Variants in CSMD1 observed in about 807,000 individuals in gnomAD.
The protein encoded by CSMD1 is CUB and sushi domain-containing protein 1.
In CSMD1, 213 loss-of-function variants were observed where a neutral mutation model predicts 417.5. The ratio of observed to expected loss-of-function variants is 0.51; its 90% CI spans 0.46 to 0.57. The LOEUF (loss-of-function observed/expected upper bound fraction) is 0.57. CSMD1 is among the 20% of genes least tolerant of loss of function. The probability of loss-of-function intolerance (pLI) is 0.00; values close to 1 mark genes in which losing one functional copy is unlikely to be tolerated. For synonymous variants in CSMD1, 2,862 were observed against 1,736.8 expected (o/e 1.65, Z -16.11); for missense variants, 6,923 against 4,529.7 (o/e 1.53, Z -15.17).
chr8:4,485,424 G>C (rs1225979004), intron 2 of CSMD1, among the ~76,000 whole-genome samples: 1 of 152,176 alleles, frequency 6.6e-6, no homozygotes, highest in Non-Finnish European at 1.5e-5. Flanking sequence ...CTCTCACAGA[G>C]AGAGGAAGGG....
intron 2 of CSMD1, among the ~76,000 whole-genome samples, chr8:4,593,889 G>A (rs896330560): frequency 3.3e-5 from 5 of 152,164 alleles, no homozygotes; most frequent in Non-Finnish European, 5.9e-5. Flanking sequence ...TAAAGCAACA[G>A]GAATTTATTG....
chr8:4,668,075 C>A (rs1028974415), intron 1 of CSMD1, among the ~76,000 whole-genome samples: 8 of 152,148 alleles, frequency 5.3e-5, no homozygotes, highest in African/African-American at 1.9e-4. Flanking sequence ...ATTAATTTGA[C>A]CTAATCTTAT....
At chr8:4,307,439 A>C (rs62478632) in intron 3 of CSMD1, among the ~76,000 whole-genome samples, 10,708 of 152,236 alleles carry the variant, frequency 0.07, 494 homozygotes, top group Non-Finnish European at 0.1. Flanking sequence ...AGATGCTATC[A>C]TCAACTTCTG....
chr8:2,991,325 T>C (rs1334397845), intron 54 of CSMD1, among the ~76,000 whole-genome samples: 1 of 152,262 alleles, frequency 6.6e-6, no homozygotes, highest in Non-Finnish European at 1.5e-5. Context: ...GGGTAAGGAC[T>C]AAAACACACT....
intron 5 of CSMD1, among the ~76,000 whole-genome samples, chr8:3,993,677 A>T (rs1814932656): frequency 6.6e-6 from 1 of 152,198 alleles, no homozygotes. Flanking sequence ...TTACACCTTA[A>T]AAAATCATAA....
chr8:3,477,376 C>G (rs1817492756), intron 11 of CSMD1, among the ~76,000 whole-genome samples: 1 of 152,118 alleles, frequency 6.6e-6, no homozygotes, highest in Non-Finnish European at 1.5e-5. Context: ...CTTTATGTTC[C>G]TTTAATGTCC....
chr8:4,444,536 A>T (rs1312404006), intron 2 of CSMD1, among the ~76,000 whole-genome samples: 3 of 151,988 alleles, frequency 2.0e-5, no homozygotes, highest in South Asian at 2.1e-4. Flanking sequence ...GGAGAACAAT[A>T]ATGTCCATCT....
chr8:4,668,648 C>A (rs1003280598), intron 1 of CSMD1, among the ~76,000 whole-genome samples: 9 of 151,800 alleles, frequency 5.9e-5, no homozygotes, highest in Admixed American at 3.3e-4. Context: ...GATGGGGTTT[C>A]ATCGTGTTAG....
chr8:4,739,033 G>A lies in CSMD1; in HGVS notation c.86-101475C>T, dbSNP rs188488581. Among the ~76,000 whole-genome samples, 332 of 152,022 alleles carry A rather than the reference G, an allele frequency of 2.2e-3. 2 individuals carry two copies. Among genetic ancestry groups the A allele is most frequent in the African/African-American group, 7.6e-3 (316 of 41,378 alleles). ...AAAACAAGTTAAAAGTTAAAGGAATGTAGTGTGAGTAACTGATATATTCTT... is the reference window on the plus strand; with the variant it reads ...AAAACAAGTTAAAAGTTAAAGGAATATAGTGTGAGTAACTGATATATTCTT... On this transcript the variant is annotated intron_variant, in intron 1 of 69. Transcript: ENST00000635120.
At chr8:4,094,407 A>T (rs528462775) in intron 3 of CSMD1, among the ~76,000 whole-genome samples, 2 of 152,206 alleles carry the variant, frequency 1.3e-5, no homozygotes, top group South Asian at 4.1e-4. Context: ...CTATGTTGGC[A>T]AGGCAGGGCG....
intron 3 of CSMD1, among the ~76,000 whole-genome samples, chr8:4,410,044 C>A (rs1796564313): frequency 6.6e-6 from 1 of 152,284 alleles, no homozygotes; most frequent in African/African-American, 2.4e-5. Context: ...AAACTCTTGA[C>A]CTTGTGATCC....
At chr8:3,789,547 A>G (rs914267545) in intron 5 of CSMD1, among the ~76,000 whole-genome samples, 7 of 150,950 alleles carry the variant, frequency 4.6e-5, no homozygotes, top group African/African-American at 1.7e-4. Flanking sequence ...AATACTCCAA[A>G]TTAAAGTAAT....
intron 11 of CSMD1, among the ~76,000 whole-genome samples, chr8:3,478,205 C>T (rs1372595338): frequency 6.6e-6 from 1 of 152,178 alleles, no homozygotes; most frequent in Non-Finnish European, 1.5e-5. Context: ...CAATCATTTA[C>T]AATCGCTATT....
At chr8:4,025,754 G>A (rs966535542) in intron 4 of CSMD1, among the ~76,000 whole-genome samples, 1 of 152,140 alleles carries the variant, frequency 6.6e-6, no homozygotes, top group South Asian at 2.1e-4. Context: ...ATGTCAATGT[G>A]ATGTTTGTTC....
intron 4 of CSMD1, among the ~76,000 whole-genome samples, chr8:4,012,593 G>C (rs185298331): frequency 2.4e-4 from 36 of 152,102 alleles, no homozygotes; most frequent in African/African-American, 8.0e-4. Context: ...CCCCTCAGTA[G>C]GCCTCAGTGA....
At chr8:3,162,682 A>C (rs1299470004) in intron 37 of CSMD1, among the ~76,000 whole-genome samples, 2 of 152,146 alleles carry the variant, frequency 1.3e-5, no homozygotes, top group Non-Finnish European at 2.9e-5. Context: ...TTATATAAAA[A>C]AATTATGTGT....
chr8:4,019,711 T>A (rs1796695751), intron 4 of CSMD1, among the ~76,000 whole-genome samples: 2 of 152,174 alleles, frequency 1.3e-5, no homozygotes. Context: ...GTTATTTACA[T>A]GCACGTGGGT....
At chr8:4,205,768 T>C (rs778958633) in intron 3 of CSMD1, among the ~76,000 whole-genome samples, 2 of 152,180 alleles carry the variant, frequency 1.3e-5, no homozygotes, top group Non-Finnish European at 2.9e-5. Flanking sequence ...GTTTGGGCCA[T>C]AGAAGAAATA....
chr8:4,434,562 A>G (rs1490210185), intron 2 of CSMD1, among the ~76,000 whole-genome samples: 3 of 152,186 alleles, frequency 2.0e-5, no homozygotes, highest in African/African-American at 4.8e-5. Context: ...CTAAAACACA[A>G]TAGAGGAGGA....
Sources: gnomAD v4.1 joint callset for allele counts (sites outside exome capture counted in the v4.1 genomes callset) on GRCh38, gnomAD v4.1.1 for gene constraint, MANE v1.5 for transcripts, NCBI Gene and HGNC (gene_info 2026-07-23, HGNC 2026-07-21) for gene names.